The following SRC variants were observed in gnomAD, a reference collection of about 807,000 sequenced individuals.
SRC encodes the protein SRC proto-oncogene, non-receptor tyrosine kinase, also known as proto-oncogene tyrosine-protein kinase Src.
Under a neutral mutation model 62.9 loss-of-function variants are expected in SRC, and 13 were observed. That is an observed-to-expected ratio of 0.21 (90% CI 0.13 to 0.33). The LOEUF is 0.33. Ranked by LOEUF, SRC falls within the 10% of genes least tolerant of loss-of-function variation. The pLI, the probability that SRC is intolerant of heterozygous loss-of-function variation, is 1.00. For missense variants in SRC, 457 were observed against 737.3 expected (o/e 0.62, Z 4.40); for synonymous variants, 302 against 317.5 (o/e 0.95, Z 0.52).
Position 37,398,698 on chromosome 20 carries a change from C to T in SRC, c.859+844C>T, listed in dbSNP as rs78318790. On this transcript the variant is annotated intron_variant, in intron 9 of 13. Transcript: ENST00000373578. This position sits in a 1 kb window ranked among gnomAD's most constrained non-coding sequence, Gnocchi z 5.2. ...GTGAGAGGGGAGAGGGGTGAGAAGC[C>T]AGGGTGTGGGCACAGCCACAAAGTG... Among the ~76,000 whole-genome samples, 18,826 of 152,208 alleles carry T rather than the reference C, an allele frequency of 0.12. 1,473 individuals carry two copies. Among genetic ancestry groups the T allele is most frequent in the Non-Finnish European group, 0.17 (11,372 of 67,968 alleles).
intron 5 of SRC, among the ~76,000 whole-genome samples, chr20:37,389,213 T>C (rs1325975068): frequency 2.0e-5 from 3 of 152,160 alleles, no homozygotes; most frequent in East Asian, 3.9e-4. Context: ...GAGGTCTGAC[T>C]GCCTCAAGCT....
intron 2 of SRC, among the ~76,000 whole-genome samples, chr20:37,374,805 C>T: frequency 6.6e-6 from 1 of 151,854 alleles, no homozygotes. Flanking sequence ...GAACTCCTGA[C>T]CTCAGGTGAT....
chr20:37,360,218 C>CTCTTTTTT lies in SRC; in HGVS notation c.-246-4985_-246-4984insCTTTTTTT, dbSNP rs1273945378. On this transcript the variant is annotated intron_variant, in intron 1 of 13. Coordinates refer to ENST00000373578, the MANE Select transcript of SRC (RefSeq NM_198291.3). ...AATTTCTTTCTCTTTCTCTCTCTCT[C>CTCTTTTTT]TTTTTTTTTTTTTTTTTTTTGGTGA... Among the ~76,000 whole-genome samples the CTCTTTTTT allele has an allele frequency of 1.1e-4, 12 of 105,630 alleles. 1 individual carries two copies. The highest frequency in any genetic ancestry group is 5.7e-4 in the African/African-American group (12 of 20,920). The allele number at this position is 105,630 out of a possible 152,430, so 69.3% of individuals were successfully genotyped here. A position where few individuals can be genotyped will look rare whatever the true frequency, so the allele number is the denominator to read the frequency against.
chr20:37,356,268 G>A (rs2146915441), intron 1 of SRC, among the ~76,000 whole-genome samples: 2 of 152,310 alleles, frequency 1.3e-5, no homozygotes, highest in South Asian at 4.1e-4. Flanking sequence ...GGAGGTCTGA[G>A]GAGCCATGGA....
upstream of SRC, chr20:37,344,713 A>G (rs1195548979): frequency 6.6e-6 from 1 of 152,272 alleles, no homozygotes; most frequent in Non-Finnish European, 1.5e-5. Flanking sequence ...TCACCAGCCC[A>G]GGCTGGCTTC....
intron 3 of SRC, among the ~76,000 whole-genome samples, chr20:37,383,246 G>C (rs1331868742): frequency 6.6e-6 from 1 of 152,228 alleles, no homozygotes; most frequent in Non-Finnish European, 1.5e-5. Flanking sequence ...TTTGAGTTGA[G>C]AACGGAAGGA....
At chr20:37,355,164 G>C (rs945475952) in intron 1 of SRC, among the ~76,000 whole-genome samples, 1 of 152,056 alleles carries the variant, frequency 6.6e-6, no homozygotes, top group Non-Finnish European at 1.5e-5. Context: ...GGTGATTTTG[G>C]GTGATGCTGA....
intron 2 of SRC, among the ~76,000 whole-genome samples, chr20:37,372,996 TTA>T (rs2070191417): frequency 1.3e-5 from 2 of 152,068 alleles, no homozygotes; most frequent in Non-Finnish European, 2.9e-5. Flanking sequence ...TGAAAATTCA[TTA>T]TCTTTTCCCC....
At position 37,397,174 on chromosome 20, in the gene SRC, C is replaced by A. The variant is rs1263782991; in HGVS notation, c.704-525C>A. Reference sequence around the variant, plus strand: ...GCTCCCTGCGCCCCTTTGTCCTCCGCTTCTCCAGCCCTGCAGCTGTTCTTT... The same window carrying A: ...GCTCCCTGCGCCCCTTTGTCCTCCGATTCTCCAGCCCTGCAGCTGTTCTTT... On this transcript the variant is annotated intron_variant, in intron 8 of 13. Coordinates refer to ENST00000373578, the MANE Select transcript of SRC (RefSeq NM_198291.3). This position sits in a 1 kb window ranked among gnomAD's most constrained non-coding sequence, Gnocchi z 4.1. Among the ~76,000 whole-genome samples the A allele has an allele frequency of 6.6e-6, 1 of 152,210 alleles. No homozygotes were observed. The highest frequency in any genetic ancestry group is 1.5e-5 in the Non-Finnish European group (1 of 68,038).
intron 9 of SRC, among the ~76,000 whole-genome samples, chr20:37,399,470 G>A (rs2147113998): frequency 6.6e-6 from 1 of 152,132 alleles, no homozygotes; most frequent in Non-Finnish European, 1.5e-5. Flanking sequence ...GAGGGAACAT[G>A]ACTAACCCAG....
chr20:37,399,994 G>T, intron 9 of SRC, 121 bp from the exon 10 acceptor site: 1 of 940,410 alleles, frequency 1.1e-6, no homozygotes, highest in East Asian at 2.8e-5. Flanking sequence ...GCTTTGACTG[G>T]GTTTGTCACA....
chr20:37,396,482 C>T lies in SRC; in HGVS notation c.703+171C>T, dbSNP rs917045977. The T allele has an allele frequency of 9.0e-6, 7 of 781,200 alleles. No individual in the cohort carries two copies. The highest frequency in any genetic ancestry group is 3.8e-4 in the Middle Eastern group (1 of 2,648). 48.4% of individuals were successfully genotyped at this position (781,200 alleles called of 1,614,324 possible). On this transcript the variant is annotated intron_variant, in intron 8 of 13. Transcript: ENST00000373578. This position sits in a 1 kb window ranked among gnomAD's most constrained non-coding sequence, Gnocchi z 6.1. ...TCCCTTTTCCCTCCTTTCCTTGTCT[C>T]CTTCTTCTTCCTCTTCTTTCCCCCA...
chr20:37,371,033 C>G (rs73620292), intron 2 of SRC, among the ~76,000 whole-genome samples: 3 of 148,394 alleles, frequency 2.0e-5, no homozygotes, highest in Non-Finnish European at 3.0e-5. Flanking sequence ...TTGTTGCCCA[C>G]GCTGGAGTGC....
rs1327645085 is a variant in SRC at position 37,351,924 on chromosome 20, G to A, written c.-247+5669G>A. Among the ~76,000 whole-genome samples the A allele has an allele frequency of 1.3e-5, 2 of 152,244 alleles. No individual in the cohort carries two copies. Among genetic ancestry groups the A allele is most frequent in the Non-Finnish European group, 2.9e-5 (2 of 68,050 alleles). ...GTGGCTAAAACTTTTCCCAGGTATA[G>A]GAGGGGTGCGGTGCTGGGGGCAGGT... On this transcript the variant is annotated intron_variant, in intron 1 of 13. Coordinates refer to ENST00000373578, the MANE Select transcript of SRC (RefSeq NM_198291.3). This position sits in a 1 kb window ranked among gnomAD's most constrained non-coding sequence, Gnocchi z 4.4.
intron 1 of SRC, among the ~76,000 whole-genome samples, chr20:37,354,151 T>C (rs1329000285): frequency 2.0e-5 from 3 of 152,148 alleles, no homozygotes; most frequent in African/African-American, 7.2e-5. Flanking sequence ...GGTCACAATG[T>C]GATGTCACAG....
At chr20:37,393,819 C>G in intron 5 of SRC, 76 bp from the exon 6 acceptor site, 1 of 1,155,886 alleles carries the variant, frequency 8.7e-7, no homozygotes, top group Non-Finnish European at 1.3e-6. Flanking sequence ...AGCACAGCAC[C>G]TAGGAGGATG....
At chr20:37,379,960 A>G in intron 2 of SRC, among the ~76,000 whole-genome samples, 3 of 122,570 alleles carry the variant, frequency 2.4e-5, no homozygotes, top group Admixed American at 7.5e-5. Flanking sequence ...AAAAAAAAAA[A>G]AAAAAAAGGA....
Position 37,385,891 on chromosome 20 carries a change from T to A in SRC, c.251-184T>A, listed in dbSNP as rs565537854. 3.3e-5 allele frequency among the ~76,000 whole-genome samples: 5 copies of A among 152,368 alleles called. No individual in the cohort carries two copies. The South Asian group carries it at 1.0e-3, about 32-fold the overall frequency. ...CCGCTCCCACACGCCCTTGCAGGGA[T>A]GCGCAGATACACGGATGCAGTGGAC... On this transcript the variant is annotated intron_variant, in intron 4 of 13. Coordinates refer to ENST00000373578, the MANE Select transcript of SRC (RefSeq NM_198291.3).
At chr20:37,349,584 G>T (rs118005438) in intron 1 of SRC, among the ~76,000 whole-genome samples, 3 of 152,332 alleles carry the variant, frequency 2.0e-5, no homozygotes, top group Non-Finnish European at 4.4e-5. Flanking sequence ...GTCTGGCACC[G>T]GTAGGTACTT....
Sources: allele counts gnomAD v4.1 joint callset (sites outside exome capture counted in the v4.1 genomes callset), GRCh38; gene constraint gnomAD v4.1.1; non-coding constraint Gnocchi (gnomAD v3.1); transcripts MANE v1.5; gene names NCBI Gene and HGNC (gene_info 2026-07-23, HGNC 2026-07-21).